The following DNAJA1 variants were observed in gnomAD, a reference collection of about 807,000 sequenced individuals.
DNAJA1 encodes the protein dnaJ homolog subfamily A member 1.
In DNAJA1, 26 loss-of-function variants were observed where a neutral mutation model predicts 47.6. That is an observed-to-expected ratio of 0.55 (90% CI 0.40 to 0.76). The LOEUF (loss-of-function observed/expected upper bound fraction) is 0.76, where lower values mean the gene tolerates loss of function less well. DNAJA1 is among the 30% of genes least tolerant of loss of function. The pLI, the probability that DNAJA1 is intolerant of heterozygous loss-of-function variation, is 0.00. For synonymous variants in DNAJA1, 165 were observed against 158.4 expected, an observed-to-expected ratio of 1.04 and a Z score of -0.31; for missense variants, 315 against 485.0, an observed-to-expected ratio of 0.65 and a Z score of 3.29.
At chr9:33,030,932 GA>G (rs1279237759) in intron 5 of DNAJA1, among the ~76,000 whole-genome samples, 1 of 152,134 alleles carries the variant, frequency 6.6e-6, no homozygotes, top group Non-Finnish European at 1.5e-5. Context: ...GTAAATGATT[GA>G]ATAGTGTTCC....
intron 5 of DNAJA1, among the ~76,000 whole-genome samples, chr9:33,033,215 C>T (rs1034244428): frequency 6.6e-6 from 1 of 150,798 alleles, no homozygotes; most frequent in Non-Finnish European, 1.5e-5. Flanking sequence ...AAATACTCCT[C>T]CCCTTGTATT....
chr9:33,027,724 T>C (rs1382576927), intron 3 of DNAJA1, among the ~76,000 whole-genome samples: 1 of 151,772 alleles, frequency 6.6e-6, no homozygotes, highest in African/African-American at 2.4e-5. Flanking sequence ...GTGGTGGGCA[T>C]CTGCAATCCC....
At position 33,026,875 on chromosome 9, in the gene DNAJA1, C is replaced by T; in HGVS notation, c.195C>T (p.Asp65=). The T allele has an allele frequency of 6.2e-7, 1 of 1,614,104 alleles. No individual in the cohort carries two copies. The change falls in exon 3 of 9, where the codon GAC becomes GAT. Residue 65 remains aspartate (D), a synonymous_variant. Transcript: ENST00000330899. ...LSDAKKRELY[D]KGGEQAIKEG... ...ATGCAAAGAAAAGGGAATTATATGA[C>T]AAAGGAGGAGAACAGGCAATTAAAG...
intron 6 of DNAJA1, among the ~76,000 whole-genome samples, chr9:33,035,357 G>A (rs554727554): frequency 3.3e-5 from 5 of 151,638 alleles, no homozygotes; most frequent in African/African-American, 9.7e-5. Flanking sequence ...AGCAAAACTT[G>A]GTCTCAAAAA....
At chr9:33,026,376 T>C in intron 1 of DNAJA1, 99 bp from the exon 2 acceptor site, 1 of 1,336,402 alleles carries the variant, frequency 7.5e-7, no homozygotes, top group South Asian at 1.4e-5. Flanking sequence ...GTGGTGTTCT[T>C]ATAATCGGAT....
Position 33,039,281 on chromosome 9 carries a change from T to A in DNAJA1, c.*378T>A, listed in dbSNP as rs1443392478. The A allele has an allele frequency of 5.5e-6, 1 of 180,852 alleles. No individual in the cohort carries two copies. The highest frequency in any genetic ancestry group is 1.5e-4 in the East Asian group (1 of 6,716). The allele number at this position is 180,852 out of a possible 1,614,324, so 11.2% of individuals were successfully genotyped here. Reference sequence around the variant, plus strand: ...AGCTATGAAAGTAAAACTCTGTATTTAACTGGCAATGAGGAAAAAAAAATT... The same window carrying A: ...AGCTATGAAAGTAAAACTCTGTATTAAACTGGCAATGAGGAAAAAAAAATT... On this transcript the variant is annotated 3_prime_UTR_variant, in exon 9 of 9. Transcript: ENST00000330899.
intron 6 of DNAJA1, among the ~76,000 whole-genome samples, chr9:33,034,811 C>G (rs1839009693): frequency 6.6e-6 from 1 of 152,140 alleles, no homozygotes; most frequent in South Asian, 2.1e-4. Flanking sequence ...CACTGAAGCA[C>G]AAGAAAGATG....
rs149178033 is a variant in DNAJA1, at chr9:33,034,460, C to T, written c.758+130C>T. 455 of 694,036 alleles carry T rather than the reference C, an allele frequency of 6.6e-4. 3 individuals are homozygous for T. In the African/African-American group the frequency reaches 7.3e-3, roughly 11 times the overall value. 43.0% of individuals were successfully genotyped at this position (694,036 alleles called of 1,614,324 possible). A position where few individuals can be genotyped will look rare whatever the true frequency, so the allele number is the denominator to read the frequency against. On this transcript the variant is annotated intron_variant, in intron 6 of 8. Transcript: ENST00000330899. ...ACCTATTTCTCAGGAAGATTGTTAACCATTGTTCAGATCATAAGAGGTTGA... is the reference window on the plus strand; with the variant it reads ...ACCTATTTCTCAGGAAGATTGTTAATCATTGTTCAGATCATAAGAGGTTGA...
At chr9:33,036,713 A>G (rs10813925) in intron 7 of DNAJA1, 24 bp downstream of exon 7, 146,323 of 1,537,578 alleles carry the variant, frequency 0.095, 7,878 homozygotes, top group Non-Finnish European at 0.11. Flanking sequence ...GCAAGCTTAA[A>G]CTTCTCTTTT....
intron 5 of DNAJA1, among the ~76,000 whole-genome samples, chr9:33,031,517 T>G (rs1219558560): frequency 6.6e-6 from 1 of 152,138 alleles, no homozygotes; most frequent in Non-Finnish European, 1.5e-5. Flanking sequence ...CTCTAACCTC[T>G]GCCTCCTGGG....
At position 33,025,315 on chromosome 9, in the gene DNAJA1, A is replaced by G; in HGVS notation, c.-79A>G. 1 of 152,356 alleles carries G rather than the reference A, an allele frequency of 6.6e-6. No homozygotes were observed. Among genetic ancestry groups the G allele is most frequent in the East Asian group, 2.0e-4 (1 of 5,124 alleles). 9.4% of individuals were successfully genotyped at this position (152,356 alleles called of 1,614,324 possible). A position where few individuals can be genotyped will look rare whatever the true frequency, so the allele number is the denominator to read the frequency against. On this transcript the variant is annotated 5_prime_UTR_variant, in exon 1 of 9. Transcript: ENST00000330899. ...GCTCGGTGAGAGGCGGAGGAGCGGT[A>G]ACTACCCCGGCTGCGCACAGCTCGG...
intron 4 of DNAJA1, 62 bp downstream of exon 4, chr9:33,030,051 A>C: frequency 1.4e-6 from 2 of 1,461,398 alleles, no homozygotes; most frequent in Non-Finnish European, 1.9e-6. Context: ...GACACCTGAA[A>C]ATGGAGCTAA....
chr9:33,025,633 C>T (rs1321766307), intron 1 of DNAJA1, among the ~76,000 whole-genome samples: 3 of 151,866 alleles, frequency 2.0e-5, no homozygotes, highest in Non-Finnish European at 4.4e-5. Flanking sequence ...CAAGGAGCTA[C>T]TGTCTTCGGC....
At chr9:33,033,197 C>T (rs1355416171) in intron 5 of DNAJA1, among the ~76,000 whole-genome samples, 2 of 149,352 alleles carry the variant, frequency 1.3e-5, no homozygotes, top group Non-Finnish European at 1.5e-5. Flanking sequence ...TTTTTTTGCC[C>T]TGTTAGAAAA....
At position 33,026,958 on chromosome 9, in the gene DNAJA1, G is replaced by C; in HGVS notation, c.278G>C (p.Gly93Ala). The part of the protein sequence containing the change: ...SPMDIFDMFF[G>A]GGGRMQRERR... ...ATGGACATCTTTGATATGTTTTTTG[G>C]AGGAGGAGGAAGGATGCAGAGAGAA... is the stretch of plus-strand genomic sequence containing the variant. The change falls in exon 3 of 9, where the codon GGA becomes GCA. Residue 93 changes from glycine to alanine, a missense_variant. This residue lies in a region of DNAJA1 where 100 missense variants were observed against 163.0 expected (regional missense o/e 0.61). Coordinates refer to ENST00000330899, the MANE Select transcript of DNAJA1 (RefSeq NM_001539.4). 6.2e-7 allele frequency: 1 copy of C among 1,614,142 alleles called. No individual in the cohort carries two copies. Among genetic ancestry groups the C allele is most frequent in the African/African-American group, 1.3e-5 (1 of 75,008 alleles).
At chr9:33,028,133 T>C (rs1564012036) in intron 3 of DNAJA1, among the ~76,000 whole-genome samples, 1 of 152,084 alleles carries the variant, frequency 6.6e-6, no homozygotes, top group East Asian at 1.9e-4. Context: ...AGGAATTTGA[T>C]GGTAGGTACA....
At chr9:33,035,726 C>T (rs1839023783) in intron 6 of DNAJA1, among the ~76,000 whole-genome samples, 1 of 152,080 alleles carries the variant, frequency 6.6e-6, no homozygotes, top group African/African-American at 2.4e-5. Flanking sequence ...GCCTCGGCCT[C>T]CCAAAGTGCT....
chr9:33,037,197 G>C, intron 8 of DNAJA1, 82 bp downstream of exon 8: 1 of 1,208,736 alleles, frequency 8.3e-7, no homozygotes, highest in Non-Finnish European at 1.2e-6. Context: ...TCAGCCAGGT[G>C]CAAGTAGCTC....
At chr9:33,027,075 C>T (rs1421365790) in intron 3 of DNAJA1, 85 bp downstream of exon 3, 1 of 1,503,954 alleles carries the variant, frequency 6.6e-7, no homozygotes, top group Non-Finnish European at 9.1e-7. Flanking sequence ...ATTTTAAATG[C>T]TTGTTTACAT....
Sources: gnomAD v4.1 joint callset for allele counts (sites outside exome capture counted in the v4.1 genomes callset) on GRCh38, gnomAD v4.1.1 for gene constraint, gnomAD v4.1.1 regional missense constraint, MANE v1.5 for transcripts, NCBI Gene and HGNC (gene_info 2026-07-23, HGNC 2026-07-21) for gene names.